The following LUZP2 variants were observed in gnomAD, a reference collection of about 807,000 sequenced individuals.
The protein encoded by LUZP2 is leucine zipper protein 2.
LUZP2 carries 52 observed loss-of-function variants against 51.6 expected under a neutral mutation model. The observed-to-expected ratio is 1.01, with a 90% CI of 0.81 to 1.27. The LOEUF is 1.27. Among genes scored for constraint, LUZP2 ranks in the 50% most tolerant of loss-of-function variants. The pLI, the probability that LUZP2 is intolerant of heterozygous loss-of-function variation, is 0.00. For missense variants in LUZP2, 436 were observed against 395.4 expected (o/e 1.10, Z -0.87); for synonymous variants, 154 against 137.3 (o/e 1.12, Z -0.85).
chr11:24,533,416 A>T (rs1414186090), intron 1 of LUZP2, among the ~76,000 whole-genome samples: 1 of 151,290 alleles, frequency 6.6e-6, no homozygotes, highest in African/African-American at 2.4e-5. Context: ...TCATTTATTT[A>T]TTTAACAAAA....
chr11:24,985,493 G>A (rs1856162816), intron 9 of LUZP2, among the ~76,000 whole-genome samples: 1 of 151,748 alleles, frequency 6.6e-6, no homozygotes, highest in Admixed American at 6.6e-5. Context: ...CCAAACTAAA[G>A]TAGAAACAAA....
At position 24,729,182 on chromosome 11, in the gene LUZP2, G is replaced by A; in HGVS notation, c.76G>A (p.Glu26Lys). The A allele has an allele frequency of 6.4e-7, 1 of 1,568,594 alleles. No homozygotes were observed. Among genetic ancestry groups the A allele is most frequent in the Non-Finnish European group, 8.7e-7 (1 of 1,149,574 alleles). ...TTTCTGTGTTAGACAGGACTATGAA[G>A]AGCTAGAAAAGCAGCTGAAAGAAGT... ...LVLSTRQDYE[E>K]LEKQLKEVFK... The change falls in exon 2 of 12, where the codon GAG (glutamate) becomes AAG (lysine). Residue 26 changes from glutamate (E) to lysine (K), a missense_variant. Transcript: ENST00000336930.
At chr11:24,813,006 T>C (rs1424510030) in intron 5 of LUZP2, among the ~76,000 whole-genome samples, 1 of 152,182 alleles carries the variant, frequency 6.6e-6, no homozygotes, top group Non-Finnish European at 1.5e-5. Flanking sequence ...GTCACTCTAG[T>C]CTTTTCCCTC....
intron 1 of LUZP2, among the ~76,000 whole-genome samples, chr11:24,606,825 T>G (rs943755165): frequency 6.6e-6 from 1 of 152,078 alleles, no homozygotes; most frequent in Non-Finnish European, 1.5e-5. Context: ...TATTTTGACT[T>G]TTTATTAATA....
chr11:25,055,717 C>T (rs1032951117), intron 10 of LUZP2, among the ~76,000 whole-genome samples: 2 of 152,044 alleles, frequency 1.3e-5, no homozygotes, highest in African/African-American at 4.8e-5. Flanking sequence ...TCAACAATGA[C>T]GAATGGAAAG....
At chr11:24,808,673 A>G (rs1428118713) in intron 5 of LUZP2, among the ~76,000 whole-genome samples, 1 of 152,172 alleles carries the variant, frequency 6.6e-6, no homozygotes, top group East Asian at 1.9e-4. Flanking sequence ...AATTGTGCTT[A>G]CTGTGCAAGT....
chr11:24,497,813 G>T (rs185281840), intron 1 of LUZP2, among the ~76,000 whole-genome samples: 13 of 152,306 alleles, frequency 8.5e-5, no homozygotes, highest in African/African-American at 2.9e-4. Flanking sequence ...TCCTGAAATG[G>T]CATGTTTCAA....
chr11:24,596,816 C>T (rs974416750), intron 1 of LUZP2, among the ~76,000 whole-genome samples: 2 of 152,148 alleles, frequency 1.3e-5, no homozygotes, highest in Admixed American at 6.5e-5. Context: ...AAACTATGTA[C>T]AGTCACAGGA....
chr11:24,651,609 G>A (rs1430877109), intron 1 of LUZP2, among the ~76,000 whole-genome samples: 1 of 152,106 alleles, frequency 6.6e-6, no homozygotes, highest in Non-Finnish European at 1.5e-5. Context: ...GGTAACCAAA[G>A]TCATATAGTA....
In LUZP2 at chr11:24,724,960, A is replaced by G. The variant is rs74543916; in HGVS notation, c.63-4209A>G. ...ATGAGTAAATGTAAAGAATTTCCGT[A>G]TTATAAAAACATACTGGCATAATAA... On this transcript the variant is annotated intron_variant, in intron 1 of 11. Coordinates refer to ENST00000336930, the MANE Select transcript of LUZP2 (RefSeq NM_001009909.4). Among the ~76,000 whole-genome samples, 128 of 152,342 alleles carry G rather than the reference A, an allele frequency of 8.4e-4. 3 individuals carry two copies. The East Asian group carries it at 0.023, about 28-fold the overall frequency.
chr11:24,552,846 CTAA>C (rs1439329084), intron 1 of LUZP2, among the ~76,000 whole-genome samples: 2 of 151,260 alleles, frequency 1.3e-5, no homozygotes, highest in Non-Finnish European at 3.0e-5. Flanking sequence ...GTCTTTTATA[CTAA>C]TAATCTATAA....
chr11:24,771,539 T>C (rs2134052499), intron 5 of LUZP2, among the ~76,000 whole-genome samples: 1 of 151,468 alleles, frequency 6.6e-6, no homozygotes, highest in South Asian at 2.1e-4. Context: ...GGACTTTGCA[T>C]ATATTGAGAA....
intron 1 of LUZP2, among the ~76,000 whole-genome samples, chr11:24,688,546 G>C (rs1856966816): frequency 6.7e-6 from 1 of 149,338 alleles, no homozygotes; most frequent in African/African-American, 2.5e-5. Flanking sequence ...TAAATATCAT[G>C]ATAAGCAGGC....
chr11:24,782,721 T>A (rs1276944418), intron 5 of LUZP2, among the ~76,000 whole-genome samples: 1 of 152,054 alleles, frequency 6.6e-6, no homozygotes, highest in African/African-American at 2.4e-5. Flanking sequence ...AAGTACATGT[T>A]GACTAATTGC....
intron 5 of LUZP2, among the ~76,000 whole-genome samples, chr11:24,869,429 T>C (rs1338736809): frequency 6.6e-6 from 1 of 151,858 alleles, no homozygotes; most frequent in Non-Finnish European, 1.5e-5. Flanking sequence ...GGAATTCTCA[T>C]ATTATTTCAA....
At chr11:24,885,844 C>T (rs942982964) in intron 5 of LUZP2, among the ~76,000 whole-genome samples, 1 of 152,048 alleles carries the variant, frequency 6.6e-6, no homozygotes, top group Non-Finnish European at 1.5e-5. Flanking sequence ...GAATAGAAAC[C>T]TCATAAAGCA....
chr11:24,963,404 G>A (rs1232548881), intron 7 of LUZP2, among the ~76,000 whole-genome samples: 1 of 152,218 alleles, frequency 6.6e-6, no homozygotes, highest in Non-Finnish European at 1.5e-5. Flanking sequence ...TCCTTGAGCT[G>A]TGGTGGGCTC....
At chr11:24,846,976 CAT>C (rs1310432913) in intron 5 of LUZP2, among the ~76,000 whole-genome samples, 1 of 151,518 alleles carries the variant, frequency 6.6e-6, no homozygotes, top group Non-Finnish European at 1.5e-5. Flanking sequence ...TATATACACT[CAT>C]ATATAGTACG....
At chr11:24,876,782 G>A (rs1016600974) in intron 5 of LUZP2, among the ~76,000 whole-genome samples, 3 of 150,412 alleles carry the variant, frequency 2.0e-5, no homozygotes, top group Admixed American at 2.0e-4. Flanking sequence ...ATTGAGAAGT[G>A]GTTTGTAGTT....
Sources: gnomAD v4.1 joint callset for allele counts (sites outside exome capture counted in the v4.1 genomes callset) on GRCh38, gnomAD v4.1.1 for gene constraint, MANE v1.5 for transcripts, NCBI Gene and HGNC (gene_info 2026-07-23, HGNC 2026-07-21) for gene names.